TANGO6: variants seen among roughly 807,000 people sequenced by gnomAD.
The protein encoded by TANGO6 is transport and Golgi organization protein 6 homolog.
A neutral mutation model predicts 114.2 loss-of-function variants in TANGO6; 90 were observed. The ratio of observed to expected loss-of-function variants is 0.79; its 90% CI spans 0.66 to 0.94. The LOEUF is 0.94. Among genes scored for constraint, TANGO6 ranks in the 40% least tolerant of loss-of-function variants. The probability of loss-of-function intolerance (pLI) is 0.00; values close to 1 mark genes in which losing one functional copy is unlikely to be tolerated. For missense variants in TANGO6, 1,274 were observed against 1,315.3 expected, an observed-to-expected ratio of 0.97 and a Z score of 0.49; for synonymous variants, 477 against 509.8, an observed-to-expected ratio of 0.94 and a Z score of 0.87.
At chr16:68,982,253 C>G (rs1963843149) in intron 15 of TANGO6, among the ~76,000 whole-genome samples, 1 of 152,174 alleles carries the variant, frequency 6.6e-6, no homozygotes, top group African/African-American at 2.4e-5. Context: ...TCCTAGGGGC[C>G]TCATTATATG....
intron 17 of TANGO6, among the ~76,000 whole-genome samples, chr16:69,046,926 C>T (rs1354871193): frequency 6.6e-6 from 1 of 152,074 alleles, no homozygotes; most frequent in Admixed American, 6.6e-5. Context: ...CCTGTAATCC[C>T]AGCACTTTGT....
At chr16:69,080,877 G>A (rs952354134) in intron 17 of TANGO6, among the ~76,000 whole-genome samples, 17 of 152,142 alleles carry the variant, frequency 1.1e-4, no homozygotes, top group Non-Finnish European at 1.9e-4. Flanking sequence ...GGTGGCTCAC[G>A]CCTATAATCC....
intron 10 of TANGO6, among the ~76,000 whole-genome samples, chr16:68,908,181 A>G (rs911734802): frequency 6.6e-6 from 1 of 152,148 alleles, no homozygotes; most frequent in Non-Finnish European, 1.5e-5. Context: ...TCCCCTAAGT[A>G]AAGTGTCTAC....
At chr16:68,877,766 C>T (rs1962389164) in intron 5 of TANGO6, among the ~76,000 whole-genome samples, 1 of 152,024 alleles carries the variant, frequency 6.6e-6, no homozygotes, top group Non-Finnish European at 1.5e-5. Context: ...CGCCACCACA[C>T]TCGGCTAAGA....
intron 15 of TANGO6, among the ~76,000 whole-genome samples, chr16:68,986,723 G>A (rs539378860): frequency 5.3e-5 from 8 of 152,006 alleles, no homozygotes; most frequent in Non-Finnish European, 1.0e-4. Flanking sequence ...TGGCCAATGT[G>A]GTGAAACCCG....
In TANGO6 at chr16:69,022,994, T is replaced by G. The variant is rs770066097; in HGVS notation, c.2994+15T>G. Reference sequence around the variant, plus strand: ...TGGTCCATGAGGTACTGTATTTTGATTCCTTTCTCTAAAGCGTGTTTTCAC... The same window carrying G: ...TGGTCCATGAGGTACTGTATTTTGAGTCCTTTCTCTAAAGCGTGTTTTCAC... On this transcript the variant is annotated intron_variant, in intron 16 of 17. Coordinates refer to ENST00000261778, the MANE Select transcript of TANGO6 (RefSeq NM_024562.2). 17 of 1,554,684 alleles carry G rather than the reference T, an allele frequency of 1.1e-5. No homozygotes were observed. In the South Asian group the frequency reaches 1.8e-4, roughly 17 times the overall value.
intron 14 of TANGO6, among the ~76,000 whole-genome samples, chr16:68,939,278 T>C (rs910073427): frequency 2.6e-5 from 4 of 151,980 alleles, no homozygotes; most frequent in African/African-American, 4.8e-5. Flanking sequence ...TAATCCCAGC[T>C]ACTTGGGAGG....
At chr16:68,990,943 C>G (rs1963940967) in intron 15 of TANGO6, among the ~76,000 whole-genome samples, 1 of 152,144 alleles carries the variant, frequency 6.6e-6, no homozygotes, top group African/African-American at 2.4e-5. Flanking sequence ...AGACTTGAAG[C>G]AGAGAGACCT....
At chr16:68,965,706 C>CA in intron 14 of TANGO6, among the ~76,000 whole-genome samples, 1 of 151,806 alleles carries the variant, frequency 6.6e-6, no homozygotes, top group Admixed American at 6.6e-5. Context: ...GAGGCTGAGG[C>CA]AGGAAGATTG....
At chr16:69,018,798 G>T (rs553602027) in intron 15 of TANGO6, among the ~76,000 whole-genome samples, 6 of 152,150 alleles carry the variant, frequency 3.9e-5, no homozygotes, top group African/African-American at 1.4e-4. Context: ...GTGGTGGCGG[G>T]TGCCTGTAGT....
intron 1 of TANGO6, among the ~76,000 whole-genome samples, chr16:68,845,607 T>A (rs1961790884): frequency 6.6e-6 from 1 of 152,140 alleles, no homozygotes; most frequent in African/African-American, 2.4e-5. Flanking sequence ...CCCAGCACTT[T>A]GGGAGGCTGA....
chr16:69,048,847 A>G (rs540292268), intron 17 of TANGO6, among the ~76,000 whole-genome samples: 2 of 152,104 alleles, frequency 1.3e-5, no homozygotes, highest in Non-Finnish European at 2.9e-5. Context: ...GTCCTGAGAG[A>G]GCAGGGCCAA....
intron 16 of TANGO6, chr16:69,026,033 A>C (rs1959496426): frequency 6.9e-6 from 1 of 145,086 alleles, no homozygotes. Flanking sequence ...ACAGAGTTTC[A>C]CTCTGTTGCC....
At chr16:69,025,713 AT>A (rs1165436599) in intron 16 of TANGO6, 7 of 150,884 alleles carry the variant, frequency 4.6e-5, no homozygotes, top group African/African-American at 1.7e-4. Context: ...CTGCGTAGGC[AT>A]TTGGCTGCCT....
intron 7 of TANGO6, among the ~76,000 whole-genome samples, chr16:68,894,775 AG>A (rs1962680725): frequency 6.6e-6 from 1 of 152,040 alleles, no homozygotes; most frequent in African/African-American, 2.4e-5. Context: ...GGTATAATTT[AG>A]TGGCATTAAG....
At chr16:68,904,969 T>A (rs1024036784) in intron 9 of TANGO6, among the ~76,000 whole-genome samples, 1 of 152,078 alleles carries the variant, frequency 6.6e-6, no homozygotes, top group African/African-American at 2.4e-5. Flanking sequence ...ATGCCTGTAA[T>A]CCCAGCATTT....
chr16:68,879,318 G>T (rs942631957), intron 6 of TANGO6, among the ~76,000 whole-genome samples: 8 of 150,532 alleles, frequency 5.3e-5, no homozygotes, highest in Non-Finnish European at 1.2e-4. Context: ...CCTGTCTTTA[G>T]AAAAAATTTT....
chr16:68,917,073 C>G (rs1006055821), intron 11 of TANGO6, among the ~76,000 whole-genome samples: 1 of 152,152 alleles, frequency 6.6e-6, no homozygotes, highest in Non-Finnish European at 1.5e-5. Context: ...TCTGTTCTCC[C>G]TCTCTCCTCA....
intron 14 of TANGO6, among the ~76,000 whole-genome samples, chr16:68,965,575 G>A (rs1418087796): frequency 6.6e-6 from 1 of 152,166 alleles, no homozygotes; most frequent in Non-Finnish European, 1.5e-5. Context: ...GCCAAGGCAG[G>A]CAGGTAACTT....
Sources: gnomAD v4.1 joint callset for allele counts (sites outside exome capture counted in the v4.1 genomes callset) on GRCh38, gnomAD v4.1.1 for gene constraint, MANE v1.5 for transcripts, NCBI Gene and HGNC (gene_info 2026-07-23, HGNC 2026-07-21) for gene names.